The following R3HDM1 variants were observed in gnomAD, a reference collection of about 807,000 sequenced individuals.
R3HDM1 encodes R3H domain-containing protein 1.
In R3HDM1, 46 loss-of-function variants were observed where a neutral mutation model predicts 141.1. The ratio of observed to expected loss-of-function variants is 0.33; its 90% CI spans 0.26 to 0.42. The LOEUF (loss-of-function observed/expected upper bound fraction) is 0.42. Ranked by LOEUF, R3HDM1 falls within the 10% of genes least tolerant of loss-of-function variation. The probability of loss-of-function intolerance (pLI) is 1.00; values close to 1 mark genes in which losing one functional copy is unlikely to be tolerated. For missense variants in R3HDM1, 1,184 were observed against 1,368.3 expected (o/e 0.87, Z 2.12); for synonymous variants, 435 against 472.9 (o/e 0.92, Z 1.04).
At chr2:135,709,646 A>G (rs768329605) in intron 22 of R3HDM1, 110 bp downstream of exon 22, 7 of 1,300,414 alleles carry the variant, frequency 5.4e-6, no homozygotes, top group Non-Finnish European at 7.5e-6. Context: ...GTGCTGAAAT[A>G]CACCCACAAT....
intron 18 of R3HDM1, among the ~76,000 whole-genome samples, chr2:135,658,472 A>AT (rs1371242636): frequency 2.0e-5 from 3 of 152,046 alleles, no homozygotes; most frequent in Non-Finnish European, 2.9e-5. Context: ...CGGCCAAAAG[A>AT]TTTTTTTAAA....
At chr2:135,609,014 GTTAA>G (rs1315318229) in intron 3 of R3HDM1, among the ~76,000 whole-genome samples, 1 of 152,090 alleles carries the variant, frequency 6.6e-6, no homozygotes, top group Non-Finnish European at 1.5e-5. Flanking sequence ...TGAAGTCATT[GTTAA>G]TTAAGGGATG....
chr2:135,552,976 T>G (rs1414247142), intron 1 of R3HDM1, among the ~76,000 whole-genome samples: 1 of 151,962 alleles, frequency 6.6e-6, no homozygotes, highest in Non-Finnish European at 1.5e-5. Flanking sequence ...CCTCTTGGGC[T>G]CAAGCGATCC....
chr2:135,657,302 T>G (rs2066038413), intron 18 of R3HDM1, among the ~76,000 whole-genome samples: 1 of 150,772 alleles, frequency 6.6e-6, no homozygotes, highest in Non-Finnish European at 1.5e-5. Context: ...TCCCAGCTAC[T>G]CGGGAGACTG....
chr2:135,707,917 T>A (rs1323747558), intron 21 of R3HDM1, among the ~76,000 whole-genome samples: 1 of 152,222 alleles, frequency 6.6e-6, no homozygotes, highest in Non-Finnish European at 1.5e-5. Flanking sequence ...CGCTCTGAGT[T>A]ACTGCCCCTA....
chr2:135,558,008 A>C (rs1701100770), intron 1 of R3HDM1, among the ~76,000 whole-genome samples: 1 of 152,236 alleles, frequency 6.6e-6, no homozygotes, highest in Non-Finnish European at 1.5e-5. Flanking sequence ...TACGTATTTT[A>C]AGAGATACAG....
chr2:135,636,068 A>C lies in R3HDM1; in HGVS notation c.808-20A>C. ...TATACCAGTAGTTCATTTGCCTAAA[A>C]ATTATCCTCTTTTCTGTAGATGAGA... On this transcript the variant is annotated intron_variant, in intron 10 of 26. Transcript: ENST00000683871. 1 of 1,611,234 alleles carries C rather than the reference A, an allele frequency of 6.2e-7. No individual in the cohort carries two copies. The highest frequency in any genetic ancestry group is 2.2e-5 in the East Asian group (1 of 44,724).
chr2:135,572,647 CAACCCAGATATATA>C (rs1336302347), intron 1 of R3HDM1, among the ~76,000 whole-genome samples: 2 of 152,176 alleles, frequency 1.3e-5, no homozygotes, highest in Non-Finnish European at 2.9e-5. Context: ...CCCAACAAGT[CAACCCAGATATATA>C]GGCAAGAGAA....
intron 1 of R3HDM1, among the ~76,000 whole-genome samples, chr2:135,594,877 G>A (rs772136644): frequency 1.3e-5 from 2 of 151,372 alleles, no homozygotes; most frequent in African/African-American, 4.9e-5. Context: ...CTCTAACTTC[G>A]CATCTCCTGG....
In R3HDM1 at chr2:135,721,968, C is replaced by T; in HGVS notation, c.2926C>T (p.Pro976Ser). The T allele has an allele frequency of 1.9e-6, 3 of 1,613,916 alleles. No homozygotes were observed. The highest frequency in any genetic ancestry group is 2.5e-6 in the Non-Finnish European group (3 of 1,179,806). The change falls in exon 25 of 27, where the codon CCT becomes TCT. Residue 976 changes from proline (P) to serine (S), a missense_variant. Pro to Ser is a moderately conservative substitution (Grantham distance 74). Coordinates refer to ENST00000683871, the MANE Select transcript of R3HDM1 (RefSeq NM_001378107.1). Reference protein sequence around the residue: ...PLLGQPLQYNPPAVLHGHIPN... With the variant: ...PLLGQPLQYNSPAVLHGHIPN... ...ACTTGGCCAGCCACTGCAGTACAAT[C>T]CTCCTGCTGTTCTGCACGGACACAT... is the stretch of plus-strand genomic sequence containing the variant.
chr2:135,543,186 C>A, intron 1 of R3HDM1: 2 of 641,836 alleles, frequency 3.1e-6, no homozygotes, highest in Non-Finnish European at 3.9e-6. Flanking sequence ...TATTTTTATA[C>A]GTGAATATCT....
At chr2:135,619,545 C>CT (rs1381005264) in intron 5 of R3HDM1, 1 of 159,202 alleles carries the variant, frequency 6.3e-6, no homozygotes, top group Non-Finnish European at 1.3e-5. Context: ...ATACAATAAG[C>CT]TTTTTCTTTT....
At chr2:135,609,055 G>A (rs995700078) in intron 3 of R3HDM1, among the ~76,000 whole-genome samples, 11 of 152,110 alleles carry the variant, frequency 7.2e-5, no homozygotes, top group African/African-American at 2.7e-4. Flanking sequence ...ACTATGAAGA[G>A]ACTTTATGAT....
intron 17 of R3HDM1, 166 bp downstream of exon 17, chr2:135,650,169 C>G (rs573239881): frequency 1.0e-6 from 1 of 970,870 alleles, no homozygotes; most frequent in East Asian, 1.1e-4. Flanking sequence ...TAATTTATTC[C>G]ATAAAATATT....
At chr2:135,547,046 G>A (rs1698842240) in intron 1 of R3HDM1, among the ~76,000 whole-genome samples, 1 of 152,014 alleles carries the variant, frequency 6.6e-6, no homozygotes, top group African/African-American at 2.4e-5. Flanking sequence ...GAAAGAAGAT[G>A]GTCAGATTGG....
At chr2:135,572,343 C>A (rs1704323517) in intron 1 of R3HDM1, among the ~76,000 whole-genome samples, 1 of 152,082 alleles carries the variant, frequency 6.6e-6, no homozygotes, top group Admixed American at 6.6e-5. Flanking sequence ...GACACATAAC[C>A]CAATTTAAAA....
intron 5 of R3HDM1, among the ~76,000 whole-genome samples, chr2:135,617,435 T>A (rs2061144849): frequency 6.6e-6 from 1 of 152,134 alleles, no homozygotes; most frequent in Admixed American, 6.5e-5. Flanking sequence ...ACTTAATGCT[T>A]GTTTGTAAAG....
intron 15 of R3HDM1, among the ~76,000 whole-genome samples, chr2:135,644,464 C>T (rs948995457): frequency 5.9e-5 from 9 of 152,098 alleles, no homozygotes; most frequent in Non-Finnish European, 1.2e-4. Context: ...GAGATCGCAC[C>T]ACTGCACTCC....
At chr2:135,603,788 G>A (rs777605888) in intron 2 of R3HDM1, among the ~76,000 whole-genome samples, 3 of 152,124 alleles carry the variant, frequency 2.0e-5, no homozygotes, top group Non-Finnish European at 4.4e-5. Flanking sequence ...TGTATTTTTA[G>A]TAGAGTCTGG....
Sources: allele counts gnomAD v4.1 joint callset (sites outside exome capture counted in the v4.1 genomes callset), GRCh38; gene constraint gnomAD v4.1.1; transcripts MANE v1.5; gene names NCBI Gene and HGNC (gene_info 2026-07-23, HGNC 2026-07-21).